The following UTRN variants were observed in gnomAD, a reference collection of about 807,000 sequenced individuals.
The protein encoded by UTRN is dystrophin-related protein 1.
A neutral mutation model predicts 463.9 loss-of-function variants in UTRN; 283 were observed. The observed-to-expected ratio is 0.61, with a 90% CI of 0.55 to 0.67. UTRN has a LOEUF of 0.67. UTRN is among the 30% of genes least tolerant of loss of function. The probability of loss-of-function intolerance (pLI) is 0.00; values close to 1 mark genes in which losing one functional copy is unlikely to be tolerated. For missense variants in UTRN, 3,922 were observed against 4,084.3 expected, an observed-to-expected ratio of 0.96 and a Z score of 1.08; for synonymous variants, 1,442 against 1,431.5, an observed-to-expected ratio of 1.01 and a Z score of -0.17.
intron 53 of UTRN, among the ~76,000 whole-genome samples, chr6:144,701,700 T>C (rs952271416): frequency 1.3e-5 from 2 of 152,222 alleles, no homozygotes; most frequent in Non-Finnish European, 2.9e-5. Context: ...CTATTTCCAT[T>C]TTAAAAATGA....
At chr6:144,530,757 T>TGTGAGTGTGCATGTGTGTATAC (rs1374578438) in intron 41 of UTRN, among the ~76,000 whole-genome samples, 1 of 151,756 alleles carries the variant, frequency 6.6e-6, no homozygotes, top group African/African-American at 2.4e-5. Flanking sequence ...TGAGTGTGTA[T>TGTGAGTGTGCATGTGTGTATAC]GTGAGTGTGC....
chr6:144,445,097 TC>T (rs1400547019), intron 14 of UTRN, among the ~76,000 whole-genome samples: 1 of 152,150 alleles, frequency 6.6e-6, no homozygotes, highest in Non-Finnish European at 1.5e-5. Context: ...ACGCCTGTAA[TC>T]CCAGCACTTT....
chr6:144,817,111 CTTGG>C (rs1270050754), intron 65 of UTRN, among the ~76,000 whole-genome samples: 1 of 152,008 alleles, frequency 6.6e-6, no homozygotes, highest in Non-Finnish European at 1.5e-5. Flanking sequence ...CCTTACTGAA[CTTGG>C]TTGGAGTCCA....
rs185536144 is a variant in UTRN, at chr6:144,833,689, A to T, written c.9666-2091A>T. On this transcript the variant is annotated intron_variant, in intron 69 of 74. Transcript: ENST00000367545. ...AGCTGCTCTTTTGTCATGTTTTATC[A>T]CCTCTCTCTTCACATGAACTTGGTG... Among the ~76,000 whole-genome samples, 7 of 151,992 alleles carry T rather than the reference A, an allele frequency of 4.6e-5. No homozygotes were observed. The East Asian group carries it at 7.7e-4, about 17-fold the overall frequency.
chr6:144,773,191 T>A (rs1336869662), intron 59 of UTRN, among the ~76,000 whole-genome samples: 2 of 152,098 alleles, frequency 1.3e-5, no homozygotes, highest in Non-Finnish European at 2.9e-5. Context: ...GGTTGTAGGA[T>A]CATTTGAACC....
intron 2 of UTRN, among the ~76,000 whole-genome samples, chr6:144,317,785 A>G (rs1312118998): frequency 4.7e-4 from 71 of 152,256 alleles, no homozygotes; most frequent in Admixed American, 4.5e-3. Context: ...AATTTTTTAA[A>G]ATAGTCCTCA....
intron 51 of UTRN, among the ~76,000 whole-genome samples, chr6:144,659,266 T>A (rs369768178): frequency 2.5e-4 from 38 of 151,728 alleles, no homozygotes; most frequent in African/African-American, 9.2e-4. Flanking sequence ...GAAGTGGGAG[T>A]GAGCTTTCAC....
intron 54 of UTRN, among the ~76,000 whole-genome samples, chr6:144,739,175 A>G (rs1051641971): frequency 2.0e-5 from 3 of 152,172 alleles, no homozygotes; most frequent in Non-Finnish European, 4.4e-5. Flanking sequence ...ATATTTCCTG[A>G]TATTTTAGAA....
chr6:144,615,645 C>A (rs555394902), intron 51 of UTRN, among the ~76,000 whole-genome samples: 5 of 152,168 alleles, frequency 3.3e-5, no homozygotes, highest in African/African-American at 1.2e-4. Flanking sequence ...GTCTCTGCCT[C>A]CAAAGTATAT....
chr6:144,552,610 A>C (rs3812245), intron 48 of UTRN, among the ~76,000 whole-genome samples: 76,326 of 151,782 alleles, frequency 0.5, 20,534 homozygotes, highest in East Asian at 0.84. Flanking sequence ...TTTTCTCTCT[A>C]TATATAAATA....
intron 50 of UTRN, among the ~76,000 whole-genome samples, chr6:144,559,075 C>G (rs1230948086): frequency 6.6e-6 from 1 of 151,650 alleles, no homozygotes; most frequent in Non-Finnish European, 1.5e-5. Context: ...GAATGTGTGG[C>G]CTGCTTTATT....
chr6:144,554,992 T>C lies in UTRN; in HGVS notation c.7134+99T>C. ...CTTAACAATAGGACCCTGCCATGTTTTTTCCTAAGTTCTTAGAGTGTCTAA... is the reference window on the plus strand; with the variant it reads ...CTTAACAATAGGACCCTGCCATGTTCTTTCCTAAGTTCTTAGAGTGTCTAA... On this transcript the variant is annotated intron_variant, in intron 49 of 74. Coordinates refer to ENST00000367545, the MANE Select transcript of UTRN (RefSeq NM_007124.3). 4.5e-6 allele frequency: 6 copies of C among 1,335,704 alleles called. No homozygotes were observed. In the South Asian group the frequency reaches 7.2e-5, roughly 16 times the overall value. The allele number at this position is 1,335,704 out of a possible 1,614,324, so 82.7% of individuals were successfully genotyped here. A position where few individuals can be genotyped will look rare whatever the true frequency, so the allele number is the denominator to read the frequency against.
intron 56 of UTRN, among the ~76,000 whole-genome samples, 189 bp from the exon 57 acceptor site, chr6:144,754,531 C>CTTTT (rs34213856): frequency 4.5e-5 from 5 of 112,094 alleles, no homozygotes; most frequent in East Asian, 2.4e-4. Flanking sequence ...CAGAAGGAGT[C>CTTTT]TTTTTTTTTT....
chr6:144,385,356 C>T (rs573127914), intron 2 of UTRN, among the ~76,000 whole-genome samples: 3 of 152,234 alleles, frequency 2.0e-5, no homozygotes, highest in South Asian at 4.1e-4. Context: ...AGTCCCGGAG[C>T]GAATGCATTT....
intron 53 of UTRN, among the ~76,000 whole-genome samples, chr6:144,715,178 A>G (rs1326769200): frequency 6.6e-6 from 1 of 152,142 alleles, no homozygotes; most frequent in Non-Finnish European, 1.5e-5. Context: ...CCCCTATAAC[A>G]TGTTCTACCC....
chr6:144,452,448 T>C (rs990466343), intron 18 of UTRN, among the ~76,000 whole-genome samples: 2 of 152,160 alleles, frequency 1.3e-5, no homozygotes, highest in Non-Finnish European at 2.9e-5. Context: ...TAAATATGAA[T>C]AATATATAAA....
Position 144,593,331 on chromosome 6 carries a change from G to C in UTRN, c.7479+16043G>C, listed in dbSNP as rs569269983. On this transcript the variant is annotated intron_variant, in intron 51 of 74. Transcript: ENST00000367545. ...AGCCCTGATTGCAATTTGCTTTAGG[G>C]ATTTTATTAAACTAAAAAAATTTGG... 1.5e-3 allele frequency among the ~76,000 whole-genome samples: 233 copies of C among 152,238 alleles called. 2 individuals are homozygous for C. Among genetic ancestry groups the C allele is most frequent in the Non-Finnish European group, 5.9e-4 (40 of 68,016 alleles).
chr6:144,820,888 T>G lies in UTRN; in HGVS notation c.9364T>G (p.Ser3122Ala), dbSNP rs761123933. The G allele has an allele frequency of 2.5e-6, 4 of 1,613,110 alleles. No individual in the cohort carries two copies. In the Admixed American group the frequency reaches 6.7e-5, roughly 27 times the overall value. Residue 3122 changes from serine (S) to alanine (A), a missense_variant, in exon 66 of 75, where the codon TCT becomes GCT. By Grantham distance (99) the Ser-to-Ala change is moderately conservative. Transcript: ENST00000367545. ...PMVEYCIPTT[S>A]GEDVRDFTKV... ...ATTGTTTTCAACCTTATAGACAACA[T>G]CTGGGGAAGATGTACGAGACTTCAC...
chr6:144,367,015 G>T (rs892968883), intron 2 of UTRN, among the ~76,000 whole-genome samples: 8 of 151,516 alleles, frequency 5.3e-5, no homozygotes, highest in African/African-American at 1.7e-4. Context: ...ATGGACTCTC[G>T]CTCTGTCATC....
Sources: gnomAD v4.1 joint callset for allele counts (sites outside exome capture counted in the v4.1 genomes callset) on GRCh38, gnomAD v4.1.1 for gene constraint, MANE v1.5 for transcripts, NCBI Gene and HGNC (gene_info 2026-07-23, HGNC 2026-07-21) for gene names.